The following SNCAIP variants were observed in gnomAD, a reference collection of about 807,000 sequenced individuals.
The protein encoded by SNCAIP is synuclein alpha interacting protein, also known as synphilin-1.
A neutral mutation model predicts 86.7 loss-of-function variants in SNCAIP; 43 were observed. The ratio of observed to expected loss-of-function variants is 0.50; its 90% CI spans 0.39 to 0.64. The LOEUF is 0.64. SNCAIP is among the 30% of genes least tolerant of loss of function. SNCAIP has a pLI of 0.00. For missense variants in SNCAIP, 981 were observed against 1,103.1 expected (o/e 0.89, Z 1.57); for synonymous variants, 417 against 427.2 (o/e 0.98, Z 0.29).
intron 1 of SNCAIP, among the ~76,000 whole-genome samples, chr5:122,374,524 C>T (rs541286483): frequency 6.6e-6 from 1 of 152,214 alleles, no homozygotes; most frequent in South Asian, 2.1e-4. Flanking sequence ...CAGACCCTGT[C>T]ATTGGAGAGT....
chr5:122,382,770 C>T, intron 1 of SNCAIP, among the ~76,000 whole-genome samples: 1 of 152,146 alleles, frequency 6.6e-6, no homozygotes, highest in Non-Finnish European at 1.5e-5. Flanking sequence ...CAGACAGGAC[C>T]CTCAGCTGCA....
chr5:122,453,266 T>C (rs1784084712), intron 10 of SNCAIP, among the ~76,000 whole-genome samples: 1 of 152,240 alleles, frequency 6.6e-6, no homozygotes, highest in South Asian at 2.1e-4. Flanking sequence ...TAGTTGACTT[T>C]AGCTTTCAAT....
chr5:122,324,353 T>TCCAG, intron 1 of SNCAIP, among the ~76,000 whole-genome samples: 1 of 152,322 alleles, frequency 6.6e-6, no homozygotes, highest in Non-Finnish European at 1.5e-5. Context: ...GCATGCGTGC[T>TCCAG]CATGACCTCT....
intron 2 of SNCAIP, among the ~76,000 whole-genome samples, chr5:122,399,047 A>C (rs1286775810): frequency 6.6e-6 from 1 of 152,172 alleles, no homozygotes; most frequent in Non-Finnish European, 1.5e-5. Context: ...GGAAAGAACA[A>C]AGAAAAGCCA....
At chr5:122,380,432 T>C (rs1766455895) in intron 1 of SNCAIP, among the ~76,000 whole-genome samples, 2 of 151,592 alleles carry the variant, frequency 1.3e-5, no homozygotes, top group South Asian at 4.2e-4. Context: ...CTTCTCTCTT[T>C]TTTTCTTCAT....
At chr5:122,457,317 C>G (rs1227516986) in intron 10 of SNCAIP, among the ~76,000 whole-genome samples, 3 of 152,162 alleles carry the variant, frequency 2.0e-5, no homozygotes, top group Non-Finnish European at 4.4e-5. Flanking sequence ...GTTTCATGTT[C>G]TAAGCCCTGA....
At chr5:122,328,920 T>C (rs1754690591) in intron 1 of SNCAIP, among the ~76,000 whole-genome samples, 1 of 152,238 alleles carries the variant, frequency 6.6e-6, no homozygotes, top group South Asian at 2.1e-4. Flanking sequence ...GGTATTTTCC[T>C]GTTCCTGTTC....
chr5:122,457,470 C>A (rs1016872867), intron 10 of SNCAIP, among the ~76,000 whole-genome samples: 4 of 152,136 alleles, frequency 2.6e-5, no homozygotes, highest in Non-Finnish European at 4.4e-5. Flanking sequence ...CAGCACTGAC[C>A]CTCCCAGCTC....
At chr5:122,427,995 G>A (rs17149173) in intron 5 of SNCAIP, among the ~76,000 whole-genome samples, 32,763 of 152,060 alleles carry the variant, frequency 0.22, 4,060 homozygotes, top group South Asian at 0.32. Context: ...GGAGTTCAGG[G>A]TATTATTGAG....
intron 1 of SNCAIP, 144 bp downstream of exon 1, chr5:122,312,428 T>G (rs991849651): frequency 6.6e-6 from 1 of 152,178 alleles, no homozygotes; most frequent in African/African-American, 2.4e-5. Context: ...GCCGCGAGTC[T>G]CGGCTGCTCC....
intron 5 of SNCAIP, among the ~76,000 whole-genome samples, chr5:122,429,897 T>A (rs1467856391): frequency 6.6e-6 from 1 of 152,096 alleles, no homozygotes; most frequent in Non-Finnish European, 1.5e-5. Flanking sequence ...ACTTTTGGGC[T>A]TTTTAAGGGA....
intron 5 of SNCAIP, among the ~76,000 whole-genome samples, chr5:122,425,824 G>T (rs996634110): frequency 1.3e-5 from 2 of 152,140 alleles, no homozygotes; most frequent in African/African-American, 2.4e-5. Flanking sequence ...ACCACACCTG[G>T]ATCTATCAAA....
intron 2 of SNCAIP, 44 bp from the exon 3 acceptor site, chr5:122,403,749 T>C: frequency 6.7e-7 from 1 of 1,483,488 alleles, no homozygotes; most frequent in South Asian, 1.1e-5. Flanking sequence ...AATGCTCGCA[T>C]TTTAAATTAT....
intron 1 of SNCAIP, among the ~76,000 whole-genome samples, chr5:122,359,341 A>ATTTTTTTTTT (rs1761733388): frequency 7.1e-6 from 1 of 141,602 alleles, no homozygotes; most frequent in Non-Finnish European, 1.5e-5. Context: ...AAAACATGAG[A>ATTTTTTTTTT]TTTTTATTTT....
At chr5:122,378,858 G>A (rs1765986484) in intron 1 of SNCAIP, among the ~76,000 whole-genome samples, 1 of 145,774 alleles carries the variant, frequency 6.9e-6, no homozygotes, top group Non-Finnish European at 1.5e-5. Flanking sequence ...GTAGATAAGT[G>A]GCGTTATTTC....
intron 1 of SNCAIP, among the ~76,000 whole-genome samples, chr5:122,339,338 G>A (rs1438305446): frequency 6.6e-6 from 1 of 152,100 alleles, no homozygotes; most frequent in Non-Finnish European, 1.5e-5. Context: ...TTACACACAT[G>A]GAATGCCAAT....
At chr5:122,368,901 TGATTACACA>T (rs1433420142) in intron 1 of SNCAIP, among the ~76,000 whole-genome samples, 1 of 152,178 alleles carries the variant, frequency 6.6e-6, no homozygotes, top group Non-Finnish European at 1.5e-5. Flanking sequence ...AGGCAGCCAT[TGATTACACA>T]GTAAGAGATT....
chr5:122,450,223 G>GGC (rs1342865211), intron 9 of SNCAIP, among the ~76,000 whole-genome samples: 5 of 152,122 alleles, frequency 3.3e-5, no homozygotes, highest in South Asian at 2.1e-4. Context: ...AGTGGGAATA[G>GGC]GAGATATATA....
intron 1 of SNCAIP, among the ~76,000 whole-genome samples, chr5:122,346,168 C>T (rs1210147593): frequency 2.0e-5 from 3 of 152,112 alleles, no homozygotes; most frequent in South Asian, 2.1e-4. Flanking sequence ...CCTGGCCCTG[C>T]ATTCCAGGAA....
Sources: gnomAD v4.1 joint callset for allele counts (sites outside exome capture counted in the v4.1 genomes callset) on GRCh38, gnomAD v4.1.1 for gene constraint, MANE v1.5 for transcripts, NCBI Gene and HGNC (gene_info 2026-07-23, HGNC 2026-07-21) for gene names.